JMJD4: variants seen among roughly 807,000 people sequenced by gnomAD.
JMJD4 encodes the protein 2-oxoglutarate and iron-dependent oxygenase JMJD4.
JMJD4 carries 34 observed loss-of-function variants against 36.3 expected under a neutral mutation model. The observed-to-expected ratio is 0.94, with a 90% CI of 0.71 to 1.25. JMJD4 has a LOEUF of 1.25. Among genes scored for constraint, JMJD4 ranks in the 50% most tolerant of loss-of-function variants. The pLI is 0.00. For synonymous variants in JMJD4, 269 were observed against 235.3 expected, an observed-to-expected ratio of 1.14 and a Z score of -1.31; for missense variants, 584 against 559.1, an observed-to-expected ratio of 1.04 and a Z score of -0.45.
chr1:227,734,152 C>T, intron 2 of JMJD4, 120 bp from the exon 3 acceptor site: 1 of 1,160,448 alleles, frequency 8.6e-7, no homozygotes, highest in Non-Finnish European at 1.2e-6. Context: ...GCTGCAGCCC[C>T]CAAAGAGCCC....
chr1:227,732,789 C>A, intron 5 of JMJD4, 92 bp downstream of exon 5: 1 of 1,591,456 alleles, frequency 6.3e-7, no homozygotes, highest in South Asian at 1.1e-5. Flanking sequence ...AAGACAGAGG[C>A]ACTGAGAAGC....
rs35575794 is a variant in JMJD4, at chr1:227,732,485, G to A, written c.1161C>T (p.Asp387=). 89,464 of 1,613,330 alleles carry A rather than the reference G, an allele frequency of 0.055. 2,920 individuals carry two copies. Among genetic ancestry groups the A allele is most frequent in the Non-Finnish European group, 0.065 (76,841 of 1,180,024 alleles). Residue 387 remains aspartate, a synonymous_variant, in exon 6 of 6, where the codon GAC becomes GAT. Transcript: ENST00000620518. ...EVLASLVAHP[D]FQRVDTSAFS... is the part of the protein sequence containing the mutation. Reference sequence around the variant, plus strand: ...ACGCGCTGGTGTCCACTCTCTGGAAGTCGGGGTGCGCAACCAAGGAGGCCA... The same window carrying A: ...ACGCGCTGGTGTCCACTCTCTGGAAATCGGGGTGCGCAACCAAGGAGGCCA...
At position 227,732,569 on chromosome 1, in the gene JMJD4, G is replaced by A. The variant is rs372556713; in HGVS notation, c.1077C>T (p.Asp359=). The A allele has an allele frequency of 1.5e-5, 25 of 1,613,488 alleles. No homozygotes were observed. The highest frequency in any genetic ancestry group is 2.7e-5 in the African/African-American group (2 of 75,060). The stretch of plus-strand genomic sequence containing the variant: ...CCTGTTCGAAACCCAACCCAGCACC[G>A]TCCTCAGCGGCTGCCTCCCTCAGGA... The part of the protein sequence containing the change: ...LLVLREAAAE[D]GAGLGFEQAA... Residue 359 remains aspartate, a synonymous_variant, in exon 6 of 6, where the codon GAC becomes GAT. Coordinates refer to ENST00000620518, the MANE Select transcript of JMJD4 (RefSeq NM_023007.3).
At position 227,734,770 on chromosome 1, in the gene JMJD4, G is replaced by A. The variant is rs373064733; in HGVS notation, c.309C>T (p.Asn103=). 6.2e-7 allele frequency: 1 copy of A among 1,614,028 alleles called. No homozygotes were observed. Among genetic ancestry groups the A allele is most frequent in the Non-Finnish European group, 8.5e-7 (1 of 1,180,032 alleles). ...PVANCGVQEY[N]SNPKEHMTLR... is the part of the protein sequence containing the mutation. ...GAGTCATGTGCTCTTTGGGGTTCGA[G>A]TTGTATTCCTGGACCCCACAGTTTG... The change falls in exon 2 of 6, where the codon AAC becomes AAT. Residue 103 remains asparagine, a synonymous_variant. Coordinates refer to ENST00000620518, the MANE Select transcript of JMJD4 (RefSeq NM_023007.3).
chr1:227,732,735 G>A, intron 5 of JMJD4, 59 bp from the exon 6 acceptor site: 5 of 1,598,112 alleles, frequency 3.1e-6, no homozygotes, highest in Non-Finnish European at 4.3e-6. Flanking sequence ...AGCTGCAAAG[G>A]ACCCGACATG....
chr1:227,733,093 C>A, intron 4 of JMJD4, 66 bp from the exon 5 acceptor site: 1 of 1,560,176 alleles, frequency 6.4e-7, no homozygotes, highest in Non-Finnish European at 8.8e-7. Flanking sequence ...ACCCACATCT[C>A]CTGCGCCAGG....
Position 227,731,412 on chromosome 1 carries a change from T to G in JMJD4, c.*980A>C, listed in dbSNP as rs891612811. ...CGTCCCTGTGGATTCGGATGCCTCC[T>G]CCCCTGCTGGGGTGAGGCAGCCAAC... is the stretch of plus-strand genomic sequence containing the variant. On this transcript the variant is annotated 3_prime_UTR_variant, in exon 6 of 6. Coordinates refer to ENST00000620518, the MANE Select transcript of JMJD4 (RefSeq NM_023007.3). The G allele has an allele frequency of 7.9e-5, 12 of 152,140 alleles. No individual in the cohort carries two copies. Among genetic ancestry groups the G allele is most frequent in the African/African-American group, 2.9e-4 (12 of 41,408 alleles). The allele number at this position is 152,140 out of a possible 1,614,324, so 9.4% of individuals were successfully genotyped here. A position where few individuals can be genotyped will look rare whatever the true frequency, so the allele number is the denominator to read the frequency against.
chr1:227,735,267 G>C lies in JMJD4; in HGVS notation c.7C>G (p.Arg3Gly), dbSNP rs763500823. MD[R>G]ETRALADSHF... ...CTGTCGGCGAGGGCGCGCGTCTCGC[G>C]GTCCATCCAGCTCAGCACGGGTCGA... The change falls in exon 1 of 6, where the codon CGC becomes GGC. Residue 3 changes from arginine to glycine, a missense_variant. Physicochemically the swap from Arg to Gly is moderately radical, Grantham distance 125. Transcript: ENST00000620518. 3.1e-6 allele frequency: 5 copies of C among 1,605,694 alleles called. No individual in the cohort carries two copies. Among genetic ancestry groups the C allele is most frequent in the Non-Finnish European group, 3.4e-6 (4 of 1,177,074 alleles).
chr1:227,733,222 A>G lies in JMJD4; in HGVS notation c.822+192T>C. The G allele has an allele frequency of 5.9e-6, 5 of 847,088 alleles. No homozygotes were observed. The South Asian group carries it at 7.2e-5, about 12-fold the overall frequency. The allele number at this position is 847,088 out of a possible 1,614,324, so 52.5% of individuals were successfully genotyped here. ...CCACCTCAGGCCACAGTGAACCCAG[A>G]GCAAGTAGACCCAGGGACCGGCAGT... On this transcript the variant is annotated intron_variant, in intron 4 of 5. Transcript: ENST00000620518.
At position 227,735,001 on chromosome 1, in the gene JMJD4, C is replaced by T. The variant is rs773796410; in HGVS notation, c.262+11G>A. 2 of 1,517,460 alleles carry T rather than the reference C, an allele frequency of 1.3e-6. No individual in the cohort carries two copies. The highest frequency in any genetic ancestry group is 2.6e-5 in the South Asian group (2 of 76,428). 94.0% of individuals were successfully genotyped at this position (1,517,460 alleles called of 1,614,324 possible). On this transcript the variant is annotated intron_variant, in intron 1 of 5. Transcript: ENST00000620518. ...TTCCTCCCCGCCCGGGGTCTGCGGCCGCCGCCCCACCGTAGGTCCGTAGCA... is the reference window on the plus strand; with the variant it reads ...TTCCTCCCCGCCCGGGGTCTGCGGCTGCCGCCCCACCGTAGGTCCGTAGCA...
Position 227,735,053 on chromosome 1 carries a change from G to A in JMJD4, c.221C>T (p.Pro74Leu). The change falls in exon 1 of 6, where the codon CCC (proline) becomes CTC (leucine). Residue 74 changes from proline (P) to leucine (L), a missense_variant. By Grantham distance (98) the Pro-to-Leu change is moderately conservative. Coordinates refer to ENST00000620518, the MANE Select transcript of JMJD4 (RefSeq NM_023007.3). ...GTGGTCGAAGTCGGGCCTCCCCGCG[G>A]GCGTCACCCAGCGCCGCCGGCTGCC... ...GWGSRRRWVT[P>L]AGRPDFDHLL... 3.2e-6 allele frequency: 5 copies of A among 1,557,782 alleles called. No homozygotes were observed. The highest frequency in any genetic ancestry group is 1.2e-5 in the South Asian group (1 of 85,566).
Position 227,733,909 on chromosome 1 carries a change from G to C in JMJD4, c.552C>G (p.Ser184Arg). 2 of 1,613,510 alleles carry C rather than the reference G, an allele frequency of 1.2e-6. No individual in the cohort carries two copies. Among genetic ancestry groups the C allele is most frequent in the Non-Finnish European group, 1.7e-6 (2 of 1,179,926 alleles). The change falls in exon 3 of 6, where the codon AGC becomes AGG. Residue 184 changes from serine to arginine, a missense_variant and splice_region_variant. By Grantham distance (110) the Ser-to-Arg change is moderately radical. Coordinates refer to ENST00000620518, the MANE Select transcript of JMJD4 (RefSeq NM_023007.3). Reference sequence around the variant, plus strand: ...CACTCCCACATCCGTGGCCTCACCAGCTGCCCGCAGGCCCCGCGTAGACAA... The same window carrying C: ...CACTCCCACATCCGTGGCCTCACCACCTGCCCGCAGGCCCCGCGTAGACAA... ...YRFVYAGPAG[S>R]WSPFHADIFR...
Position 227,732,862 on chromosome 1 carries a change from C to A in JMJD4, c.969+19G>T. 1 of 1,611,984 alleles carries A rather than the reference C, an allele frequency of 6.2e-7. No homozygotes were observed. Among genetic ancestry groups the A allele is most frequent in the Non-Finnish European group, 8.5e-7 (1 of 1,179,890 alleles). ...AAAGCCTCCCCCAGGAGGGTAGCCT[C>A]CATGCGTAGCCACCCCACCTGGCAG... is the stretch of plus-strand genomic sequence containing the variant. On this transcript the variant is annotated intron_variant, in intron 5 of 5. Transcript: ENST00000620518.
Position 227,733,504 on chromosome 1 carries a change from G to A in JMJD4, c.732C>T (p.Asn244=), listed in dbSNP as rs1351861157. The change falls in exon 4 of 6, where the codon AAC becomes AAT. Residue 244 remains asparagine, a synonymous_variant. Coordinates refer to ENST00000620518, the MANE Select transcript of JMJD4 (RefSeq NM_023007.3). ...TCTCCAAGGGTGGGCCAGCAAGCTG[G>A]TTCCGTGGGTGCAGGTGTGTGTCGC... is the stretch of plus-strand genomic sequence containing the variant. ...ALCDTHLHPR[N]QLAGPPLEIT... The A allele has an allele frequency of 3.8e-6, 6 of 1,595,898 alleles. No individual in the cohort carries two copies. Among genetic ancestry groups the A allele is most frequent in the Non-Finnish European group, 5.1e-6 (6 of 1,171,008 alleles).
Position 227,734,744 on chromosome 1 carries a change from A to C in JMJD4, c.335T>G (p.Leu112Arg), listed in dbSNP as rs767920889. The change falls in exon 2 of 6, where the codon CTC becomes CGC. Residue 112 changes from leucine (L) to arginine (R), a missense_variant. Leu to Arg is a moderately radical substitution (Grantham distance 102). Coordinates refer to ENST00000620518, the MANE Select transcript of JMJD4 (RefSeq NM_023007.3). ...YNSNPKEHMT[L>R]RDYITYWKEY... ...TTTCCAGTAGGTGATGTAGTCTCTGAGAGTCATGTGCTCTTTGGGGTTCGA... is the reference window on the plus strand; with the variant it reads ...TTTCCAGTAGGTGATGTAGTCTCTGCGAGTCATGTGCTCTTTGGGGTTCGA... 5 of 1,614,004 alleles carry C rather than the reference A, an allele frequency of 3.1e-6. No individual in the cohort carries two copies. Among genetic ancestry groups the C allele is most frequent in the Middle Eastern group, 1.7e-4 (1 of 6,060 alleles).
At chr1:227,734,145 G>T in intron 2 of JMJD4, 113 bp from the exon 3 acceptor site, 3 of 1,281,172 alleles carry the variant, frequency 2.3e-6, no homozygotes, top group South Asian at 2.9e-5. Flanking sequence ...CCAGATGGCT[G>T]CAGCCCCCAA....
At chr1:227,733,338 G>A (rs954690069) in intron 4 of JMJD4, 76 bp downstream of exon 4, 9 of 1,460,546 alleles carry the variant, frequency 6.2e-6, no homozygotes, top group South Asian at 3.9e-5. Flanking sequence ...AGCTCTGGCT[G>A]GGAGAGTGGG....
At chr1:227,733,391 G>T (rs370323713) in intron 4 of JMJD4, 23 bp downstream of exon 4, 7 of 1,566,064 alleles carry the variant, frequency 4.5e-6, no homozygotes, top group Non-Finnish European at 6.0e-6. Context: ...CCCTGATAGG[G>T]GGCAGGAGAA....
rs117793265 is a variant in JMJD4 at position 227,733,540 on chromosome 1, G to A, written c.696C>T (p.Ser232=). Residue 232 remains serine (S), a synonymous_variant, in exon 4 of 6, where the codon TCC becomes TCT. Transcript: ENST00000620518. ...RHGNLPYDVT[S]PALCDTHLHP... ...GCAGGTGTGTGTCGCAGAGTGCTGG[G>A]GAGGTCACGTCGTAGGGCAGGTTGC... is the stretch of plus-strand genomic sequence containing the variant. 2,778 of 1,607,410 alleles carry A rather than the reference G, an allele frequency of 1.7e-3. 49 individuals are homozygous for A. The South Asian group carries it at 0.025, about 14-fold the overall frequency.
Sources: gnomAD v4.1 joint callset for allele counts on GRCh38, gnomAD v4.1.1 for gene constraint, MANE v1.5 for transcripts, NCBI Gene and HGNC (gene_info 2026-07-23, HGNC 2026-07-21) for gene names.